The following OPCML variants were observed in gnomAD, a reference collection of about 807,000 sequenced individuals.
OPCML encodes opioid binding protein/cell adhesion molecule like, also known as opioid-binding protein/cell adhesion molecule.
In OPCML, 13 loss-of-function variants were observed where a neutral mutation model predicts 37.8. The observed-to-expected ratio is 0.34, with a 90% CI of 0.22 to 0.55. The LOEUF is 0.55. Ranked by LOEUF, OPCML falls within the 20% of genes least tolerant of loss-of-function variation. OPCML has a pLI of 0.91. For synonymous variants in OPCML, 176 were observed against 168.8 expected (o/e 1.04, Z -0.33); for missense variants, 341 against 435.6 (o/e 0.78, Z 1.93).
At chr11:132,599,354 GAGGAGA>G (rs1396473256) in intron 3 of OPCML, among the ~76,000 whole-genome samples, 5 of 133,176 alleles carry the variant, frequency 3.8e-5, no homozygotes, top group East Asian at 5.0e-4. Context: ...GAGGAAGAAG[GAGGAGA>G]AGGAGGAGGA....
intron 2 of OPCML, among the ~76,000 whole-genome samples, chr11:132,745,864 A>G (rs1274123913): frequency 1.3e-5 from 2 of 152,204 alleles, no homozygotes; most frequent in African/African-American, 2.4e-5. Context: ...ACATAGCAAT[A>G]GAAGCTTTCA....
chr11:133,461,680 T>C (rs1946862600), intron 1 of OPCML, among the ~76,000 whole-genome samples: 2 of 151,868 alleles, frequency 1.3e-5, no homozygotes, highest in Non-Finnish European at 2.9e-5. Flanking sequence ...TGTTCATGGA[T>C]TGAAAGCTTT....
At chr11:133,219,107 G>T (rs1468193657) in intron 1 of OPCML, among the ~76,000 whole-genome samples, 8 of 152,174 alleles carry the variant, frequency 5.3e-5, no homozygotes, top group Admixed American at 5.2e-4. Flanking sequence ...TGGGCTCTGG[G>T]CAGGTTAGTG....
At chr11:133,317,662 G>C (rs938896711) in intron 1 of OPCML, among the ~76,000 whole-genome samples, 2 of 152,202 alleles carry the variant, frequency 1.3e-5, no homozygotes, top group Non-Finnish European at 2.9e-5. Flanking sequence ...GTATGCTGTT[G>C]TATCTCTGCC....
chr11:133,398,257 G>C (rs1404267365), intron 1 of OPCML, among the ~76,000 whole-genome samples: 1 of 152,218 alleles, frequency 6.6e-6, no homozygotes, highest in Non-Finnish European at 1.5e-5. Context: ...CTTCAGCTTT[G>C]ATGGAGTCTC....
intron 1 of OPCML, among the ~76,000 whole-genome samples, chr11:133,387,381 A>G (rs1945077376): frequency 1.3e-5 from 2 of 152,176 alleles, no homozygotes; most frequent in Admixed American, 6.5e-5. Flanking sequence ...GGGGTGTTAC[A>G]TGGCCTGCAT....
chr11:132,435,308 G>C, intron 7 of OPCML: 1 of 1,227,508 alleles, frequency 8.1e-7, no homozygotes, highest in Non-Finnish European at 1.1e-6. Flanking sequence ...TTGTGTCTGA[G>C]GTGCACGTGG....
chr11:133,266,684 T>C (rs1387094377), intron 1 of OPCML, among the ~76,000 whole-genome samples: 1 of 152,184 alleles, frequency 6.6e-6, no homozygotes, highest in African/African-American at 2.4e-5. Flanking sequence ...AAGCTTTCAA[T>C]CTAGTGGGTA....
chr11:132,587,258 C>T (rs2096474927), intron 3 of OPCML, among the ~76,000 whole-genome samples: 1 of 152,250 alleles, frequency 6.6e-6, no homozygotes, highest in Non-Finnish European at 1.5e-5. Flanking sequence ...GAGAACTATA[C>T]ATCATTCACA....
intron 1 of OPCML, among the ~76,000 whole-genome samples, chr11:132,998,142 C>G (rs1946921035): frequency 6.6e-6 from 1 of 152,164 alleles, no homozygotes; most frequent in South Asian, 2.1e-4. Flanking sequence ...CTGCTGAGTC[C>G]CCCAAGAAAC....
intron 1 of OPCML, among the ~76,000 whole-genome samples, chr11:133,283,805 G>A (rs1294139358): frequency 6.6e-6 from 1 of 152,140 alleles, no homozygotes; most frequent in African/African-American, 2.4e-5. Context: ...AGTTCTATGG[G>A]CTTCATGCCT....
At chr11:133,076,663 G>A (rs1591978764) in intron 1 of OPCML, among the ~76,000 whole-genome samples, 3 of 151,782 alleles carry the variant, frequency 2.0e-5, no homozygotes, top group South Asian at 2.1e-4. Context: ...CCCACCCCCC[G>A]CATAGAATCA....
intron 1 of OPCML, among the ~76,000 whole-genome samples, chr11:133,447,749 A>G (rs538237291): frequency 5.3e-5 from 8 of 152,252 alleles, no homozygotes; most frequent in Non-Finnish European, 8.8e-5. Flanking sequence ...TATATACCAC[A>G]TTTTATTTAT....
intron 2 of OPCML, among the ~76,000 whole-genome samples, chr11:132,898,846 C>CG (rs1555204830): frequency 2.0e-5 from 3 of 151,682 alleles, no homozygotes; most frequent in Non-Finnish European, 2.9e-5. Context: ...CTGCCCCCCC[C>CG]ACCCCCGCAG....
At chr11:133,093,770 G>A (rs183712725) in intron 1 of OPCML, among the ~76,000 whole-genome samples, 33 of 128,726 alleles carry the variant, frequency 2.6e-4, no homozygotes, top group African/African-American at 7.5e-5. Flanking sequence ...TTAGCAATCT[G>A]TACTTATTTT....
chr11:132,652,439 G>A (rs1175196483), intron 3 of OPCML, among the ~76,000 whole-genome samples: 1 of 151,550 alleles, frequency 6.6e-6, no homozygotes, highest in Non-Finnish European at 1.5e-5. Flanking sequence ...AACTAACTTT[G>A]GATGTTGTTG....
At chr11:133,421,888 C>G in intron 1 of OPCML, 1 of 563,086 alleles carries the variant, frequency 1.8e-6, no homozygotes, top group Non-Finnish European at 2.3e-6. Context: ...CAGTGAGAAA[C>G]AATAATTATT....
intron 1 of OPCML, among the ~76,000 whole-genome samples, chr11:133,030,218 T>C (rs758184790): frequency 1.2e-4 from 19 of 152,206 alleles, no homozygotes; most frequent in Non-Finnish European, 2.4e-4. Flanking sequence ...CAACTCTTAA[T>C]GATGTCTTAA....
intron 2 of OPCML, among the ~76,000 whole-genome samples, chr11:132,765,477 G>A (rs1946406520): frequency 6.6e-6 from 1 of 152,152 alleles, no homozygotes; most frequent in South Asian, 2.1e-4. Context: ...AAATACCGAT[G>A]GCACGGCTTC....
Sources: gnomAD v4.1 joint callset for allele counts (sites outside exome capture counted in the v4.1 genomes callset) on GRCh38, gnomAD v4.1.1 for gene constraint, MANE v1.5 for transcripts, NCBI Gene and HGNC (gene_info 2026-07-23, HGNC 2026-07-21) for gene names.